Variants in ANKRD36C observed in about 807,000 individuals in gnomAD.
ANKRD36C encodes ankyrin repeat domain 36C, also known as ankyrin repeat domain-containing protein 36C.
ANKRD36C carries 61 observed loss-of-function variants against 276.4 expected under a neutral mutation model. The ratio of observed to expected loss-of-function variants is 0.22; its 90% CI spans 0.18 to 0.27. The LOEUF (loss-of-function observed/expected upper bound fraction) is 0.27, where lower values mean the gene tolerates loss of function less well. Ranked by LOEUF, ANKRD36C falls within the 10% of genes least tolerant of loss-of-function variation. The pLI, the probability that ANKRD36C is intolerant of heterozygous loss-of-function variation, is 1.00. For missense variants in ANKRD36C, 1,447 were observed against 2,032.3 expected, an observed-to-expected ratio of 0.71 and a Z score of 5.54; for synonymous variants, 483 against 680.1, an observed-to-expected ratio of 0.71 and a Z score of 4.51.
At chr2:95,928,965 G>A in intron 26 of ANKRD36C, 107 bp downstream of exon 26, 1 of 1,532,018 alleles carries the variant, frequency 6.5e-7, no homozygotes, top group Non-Finnish European at 8.8e-7. Context: ...CAGGCATACT[G>A]AATCAGAACA....
rs1376128151 is a variant in ANKRD36C at position 95,867,431 on chromosome 2, TG to T, written c.3682+8del. The T allele has an allele frequency of 1.6e-5, 19 of 1,207,658 alleles. No individual in the cohort carries two copies. In the Admixed American group the frequency reaches 4.5e-4, roughly 28 times the overall value. The allele number at this position is 1,207,658 out of a possible 1,614,324, so 74.8% of individuals were successfully genotyped here. Reference sequence around the variant, plus strand: ...TTTAAAAAGCCTTATATTTATGCATTGGTCCTACCTTTACACTTCATTTCAT... The same window carrying T: ...TTTAAAAAGCCTTATATTTATGCATTGTCCTACCTTTACACTTCATTTCAT... On this transcript the variant is annotated splice_region_variant and intron_variant, in intron 60 of 66. Coordinates refer to ENST00000456556, the Ensembl canonical transcript of ANKRD36C.
At chr2:95,962,574 A>G in intron 6 of ANKRD36C, 27 bp from the exon 7 acceptor site, 1 of 1,597,958 alleles carries the variant, frequency 6.3e-7, no homozygotes, top group Non-Finnish European at 8.5e-7. Flanking sequence ...ATACATCATC[A>G]ATCATAGGTA....
intron 60 of ANKRD36C, among the ~76,000 whole-genome samples, chr2:95,861,965 C>CA (rs762983462): frequency 0.061 from 8,516 of 139,512 alleles, 346 homozygotes; most frequent in East Asian, 0.19. Context: ...GATTTCATAG[C>CA]AAAAAAAAAA....
chr2:95,858,410 A>C (rs1675476461), intron 61 of ANKRD36C, among the ~76,000 whole-genome samples: 1 of 152,204 alleles, frequency 6.6e-6, no homozygotes, highest in Non-Finnish European at 1.5e-5. Context: ...GGGCATGTAT[A>C]AGTTGAAATG....
At chr2:95,875,044 A>G (rs546149460) in intron 59 of ANKRD36C, among the ~76,000 whole-genome samples, 33 of 152,180 alleles carry the variant, frequency 2.2e-4, no homozygotes, top group South Asian at 6.2e-4. Context: ...GTGCTGGAGA[A>G]GATGTGGAGA....
chr2:95,952,179 A>T (rs1365223805), intron 14 of ANKRD36C, among the ~76,000 whole-genome samples: 1 of 152,350 alleles, frequency 6.6e-6, no homozygotes. Flanking sequence ...CAAACAAAAA[A>T]AGAGACATGA....
exon 5 of ANKRD36C, chr2:95,980,681 G>A: frequency 6.2e-7 from 1 of 1,612,678 alleles, no homozygotes; most frequent in Non-Finnish European, 8.5e-7. Context: ...ATAATCTTCT[G>A]CAAGCTTTCC....
exon 1 of ANKRD36C, chr2:95,991,687 T>A: frequency 3.1e-6 from 5 of 1,613,626 alleles, no homozygotes; most frequent in Non-Finnish European, 4.2e-6. Context: ...GTGGGCCACC[T>A]CTTCGGCTCC....
At chr2:95,972,629 C>T (rs915573695) in intron 6 of ANKRD36C, among the ~76,000 whole-genome samples, 2 of 152,168 alleles carry the variant, frequency 1.3e-5, no homozygotes, top group African/African-American at 4.8e-5. Flanking sequence ...GACATAGTGG[C>T]ATTATATGAA....
intron 34 of ANKRD36C, among the ~76,000 whole-genome samples, chr2:95,918,386 A>C (rs1366391272): frequency 1.3e-5 from 2 of 151,702 alleles, no homozygotes; most frequent in African/African-American, 2.4e-5. Context: ...TCAATGTCAA[A>C]GCAGGTGCTA....
chr2:95,965,582 C>T (rs1678571810), intron 6 of ANKRD36C, among the ~76,000 whole-genome samples: 3 of 152,140 alleles, frequency 2.0e-5, no homozygotes, highest in South Asian at 4.1e-4. Context: ...ATTTCCCATA[C>T]TTCTGTTTCA....
intron 6 of ANKRD36C, among the ~76,000 whole-genome samples, chr2:95,966,535 TA>T: frequency 6.6e-6 from 1 of 152,306 alleles, no homozygotes; most frequent in African/African-American, 2.4e-5. Flanking sequence ...TCTCTTTTGG[TA>T]CCAGTACCAT....
At chr2:95,962,998 G>T (rs1678496885) in intron 6 of ANKRD36C, among the ~76,000 whole-genome samples, 1 of 152,032 alleles carries the variant, frequency 6.6e-6, no homozygotes, top group Admixed American at 6.6e-5. Flanking sequence ...CCTGATAACT[G>T]AGAAGGTACA....
intron 42 of ANKRD36C, 141 bp downstream of exon 50, chr2:95,906,490 C>G: frequency 3.0e-6 from 1 of 332,158 alleles, no homozygotes; most frequent in Non-Finnish European, 5.4e-6. Context: ...TCAGCATAAC[C>G]CAAGAACTTA....
At chr2:95,861,233 A>G (rs1675572087) in intron 60 of ANKRD36C, among the ~76,000 whole-genome samples, 1 of 152,100 alleles carries the variant, frequency 6.6e-6, no homozygotes, top group Admixed American at 6.6e-5. Flanking sequence ...GTAGAGACGC[A>G]AATTACATTG....
intron 46 of ANKRD36C, among the ~76,000 whole-genome samples, chr2:95,890,882 G>A (rs1031595863): frequency 6.6e-6 from 1 of 151,462 alleles, no homozygotes; most frequent in South Asian, 2.1e-4. Context: ...GAAGTTTCAT[G>A]AAATAGCTAT....
In ANKRD36C at chr2:95,974,644, T is replaced by C. The variant is rs115210221; in HGVS notation, c.799+3478A>G. On this transcript the variant is annotated intron_variant, in intron 6 of 66. Transcript: ENST00000456556. ...GACGTCAGCTTCTCCAAACTGCTGG[T>C]CTGTAGGCTACTTCTTTTTTTTTTA... Among the ~76,000 whole-genome samples the C allele has an allele frequency of 4.8e-3, 734 of 152,256 alleles. 3 individuals carry two copies. Among genetic ancestry groups the C allele is most frequent in the African/African-American group, 0.017 (694 of 41,554 alleles).
intron 32 of ANKRD36C, among the ~76,000 whole-genome samples, chr2:95,922,229 T>C (rs544186229): frequency 2.6e-5 from 4 of 151,712 alleles, no homozygotes; most frequent in Non-Finnish European, 1.5e-5. Context: ...ACATTCATCA[T>C]GTTCATTAAC....
At chr2:95,901,912 T>C (rs543998567) in intron 42 of ANKRD36C, among the ~76,000 whole-genome samples, 1 of 149,240 alleles carries the variant, frequency 6.7e-6, no homozygotes, top group Non-Finnish European at 1.5e-5. Context: ...TCATCAATTA[T>C]CAACTTTGAC....
Sources: gnomAD v4.1 joint callset for allele counts (sites outside exome capture counted in the v4.1 genomes callset) on GRCh38, gnomAD v4.1.1 for gene constraint, MANE v1.5 for transcripts, NCBI Gene and HGNC (gene_info 2026-07-23, HGNC 2026-07-21) for gene names.